The following NBAS variants were observed in gnomAD, a reference collection of about 807,000 sequenced individuals.
NBAS encodes NAG/BC035112 fusion.
NBAS carries 219 observed loss-of-function variants against 302.5 expected under a neutral mutation model. The observed-to-expected ratio is 0.72, with a 90% CI of 0.65 to 0.81. NBAS has a LOEUF of 0.81. NBAS is among the 30% of genes least tolerant of loss of function. The pLI, the probability that NBAS is intolerant of heterozygous loss-of-function variation, is 0.00. For missense variants in NBAS, 2,932 were observed against 2,841.6 expected (o/e 1.03, Z -0.72); for synonymous variants, 1,118 against 1,021.6 (o/e 1.09, Z -1.80).
the NBAS span, among the ~76,000 whole-genome samples, chr2:15,119,370 A>G: frequency 7.3e-6 from 1 of 136,668 alleles, no homozygotes; most frequent in East Asian, 2.2e-4. Flanking sequence ...GTGCAGTGGC[A>G]CGATCTCAGC....
At chr2:15,424,231 C>G in intron 23 of NBAS, 84 bp downstream of exon 23, 1 of 1,492,292 alleles carries the variant, frequency 6.7e-7, no homozygotes, top group East Asian at 2.3e-5. Context: ...GCACTGCTGT[C>G]AGCCCCGACT....
intron 19 of NBAS, 124 bp downstream of exon 19, chr2:15,467,205 A>C: frequency 1.3e-6 from 1 of 749,572 alleles, no homozygotes; most frequent in Non-Finnish European, 2.3e-6. Context: ...TTGCTTCTAT[A>C]AGAAATTAAT....
chr2:15,493,829 CTTT>C (rs10715868), intron 11 of NBAS, among the ~76,000 whole-genome samples: 14 of 113,544 alleles, frequency 1.2e-4, no homozygotes, highest in Non-Finnish European at 1.9e-4. Context: ...GCAATTTTCT[CTTT>C]TTTTTTTTTT....
the NBAS span, among the ~76,000 whole-genome samples, chr2:14,798,827 C>T: frequency 6.6e-6 from 1 of 151,902 alleles, no homozygotes; most frequent in Non-Finnish European, 1.5e-5. Flanking sequence ...TTACTGTCTA[C>T]TTAGGTAGGT....
chr2:15,064,201 T>C, the NBAS span, among the ~76,000 whole-genome samples: 6 of 144,084 alleles, frequency 4.2e-5, no homozygotes, highest in Admixed American at 2.7e-4. Context: ...AAATAGAAAA[T>C]AGAAAAACAA....
intron 51 of NBAS, among the ~76,000 whole-genome samples, chr2:15,176,458 G>GAC (rs71400639): frequency 0.075 from 11,150 of 149,232 alleles, 427 homozygotes; most frequent in Middle Eastern, 0.092. Flanking sequence ...GTCACATGGA[G>GAC]ACACACACAC....
At chr2:15,132,442 A>G in the NBAS span, among the ~76,000 whole-genome samples, 1 of 152,128 alleles carries the variant, frequency 6.6e-6, no homozygotes. Context: ...TAGGTGGAGG[A>G]TTTTTAAGGG....
At chr2:15,226,339 T>C (rs1667150787) in intron 47 of NBAS, among the ~76,000 whole-genome samples, 2 of 152,208 alleles carry the variant, frequency 1.3e-5, no homozygotes, top group Admixed American at 1.3e-4. Context: ...TTTTCTTAAT[T>C]CCAGGTTTGA....
chr2:14,989,493 G>A, the NBAS span, among the ~76,000 whole-genome samples: 1 of 151,960 alleles, frequency 6.6e-6, no homozygotes, highest in Non-Finnish European at 1.5e-5. Flanking sequence ...AGGAGGTGGA[G>A]GTTGCAGTGA....
chr2:14,800,065 T>C, the NBAS span, among the ~76,000 whole-genome samples: 2 of 152,256 alleles, frequency 1.3e-5, no homozygotes, highest in African/African-American at 2.4e-5. Flanking sequence ...CTTATCACTA[T>C]GGTTGAATAT....
At chr2:15,077,482 G>A in the NBAS span, among the ~76,000 whole-genome samples, 1 of 152,178 alleles carries the variant, frequency 6.6e-6, no homozygotes, top group Non-Finnish European at 1.5e-5. Context: ...ACTGAGAATA[G>A]AGTGACAAAT....
intron 43 of NBAS, 88 bp from the exon 44 acceptor site, chr2:15,275,906 A>T (rs1572571810): frequency 8.9e-7 from 1 of 1,127,550 alleles, no homozygotes; most frequent in East Asian, 2.4e-5. Context: ...AGCCCTCTAT[A>T]TGTCTGAACG....
chr2:14,906,380 A>G, the NBAS span, among the ~76,000 whole-genome samples: 86,296 of 152,166 alleles, frequency 0.57, 25,262 homozygotes, highest in African/African-American at 0.7. Flanking sequence ...CGTAAGTGGC[A>G]GAGCCAGGAT....
At chr2:15,504,105 T>C in intron 11 of NBAS, 40 bp downstream of exon 11, 2 of 1,541,494 alleles carry the variant, frequency 1.3e-6, no homozygotes, top group Non-Finnish European at 1.8e-6. Flanking sequence ...AGGGTAAAAA[T>C]GTTTGAGAAG....
At chr2:15,194,272 T>C (rs1665504907) in intron 48 of NBAS, among the ~76,000 whole-genome samples, 2 of 151,978 alleles carry the variant, frequency 1.3e-5, no homozygotes, top group African/African-American at 4.8e-5. Context: ...AATTTGAAAC[T>C]TGAAAAGTAG....
chr2:14,850,505 C>T, the NBAS span, among the ~76,000 whole-genome samples: 1 of 94,206 alleles, frequency 1.1e-5, no homozygotes, highest in African/African-American at 9.8e-5. Flanking sequence ...CCACTGTCAA[C>T]ATTAGACAGA....
chr2:15,288,027 C>CA (rs1443994268), intron 41 of NBAS, among the ~76,000 whole-genome samples: 1 of 152,222 alleles, frequency 6.6e-6, no homozygotes, highest in Non-Finnish European at 1.5e-5. Flanking sequence ...CGAGCATCTG[C>CA]ATAGGCAGCC....
At chr2:15,346,503 T>C (rs555407109) in intron 35 of NBAS, among the ~76,000 whole-genome samples, 3 of 152,142 alleles carry the variant, frequency 2.0e-5, no homozygotes, top group Non-Finnish European at 2.9e-5. Flanking sequence ...CAAGAAACAA[T>C]AGATGCTGGC....
chr2:14,818,991 A>G, the NBAS span, among the ~76,000 whole-genome samples: 1 of 152,186 alleles, frequency 6.6e-6, no homozygotes. Flanking sequence ...CAACTCCTCT[A>G]CAGAGTCTTC....
Sources: allele counts gnomAD v4.1 joint callset (sites outside exome capture counted in the v4.1 genomes callset), GRCh38; gene constraint gnomAD v4.1.1; transcripts MANE v1.5; gene names NCBI Gene and HGNC (gene_info 2026-07-23, HGNC 2026-07-21).